The following EPHB2 variants were observed in gnomAD, a reference collection of about 807,000 sequenced individuals.
The protein encoded by EPHB2 is EPH receptor B2, also known as ephrin type-B receptor 2.
In EPHB2, 18 loss-of-function variants were observed where a neutral mutation model predicts 96.4. The observed-to-expected ratio is 0.19, with a 90% CI of 0.13 to 0.28. The LOEUF (loss-of-function observed/expected upper bound fraction) is 0.28, where lower values mean the gene tolerates loss of function less well. Ranked by LOEUF, EPHB2 falls within the 10% of genes least tolerant of loss-of-function variation. EPHB2 has a pLI of 1.00. For synonymous variants in EPHB2, 506 were observed against 534.1 expected, an observed-to-expected ratio of 0.95 and a Z score of 0.72; for missense variants, 989 against 1,355.4, an observed-to-expected ratio of 0.73 and a Z score of 4.25.
chr1:22,895,181 G>T (rs929574521), intron 7 of EPHB2, among the ~76,000 whole-genome samples: 6 of 152,206 alleles, frequency 3.9e-5, no homozygotes, highest in Admixed American at 2.0e-4. Flanking sequence ...CTGCCTGTGT[G>T]TGTGTCAGCT....
At chr1:22,824,519 A>G (rs1645196019) in intron 3 of EPHB2, among the ~76,000 whole-genome samples, 1 of 152,070 alleles carries the variant, frequency 6.6e-6, no homozygotes, top group African/African-American at 2.4e-5. Flanking sequence ...AGAAACTGGT[A>G]TAGGATGGAG....
chr1:22,806,476 T>TGGACGGACGGAC (rs543596023), intron 3 of EPHB2, among the ~76,000 whole-genome samples: 47 of 144,442 alleles, frequency 3.3e-4, no homozygotes, highest in African/African-American at 1.2e-3. Context: ...GATGGATGGA[T>TGGACGGACGGAC]GGACGGACGG....
chr1:22,806,703 G>A (rs1408757468), intron 3 of EPHB2, among the ~76,000 whole-genome samples: 1 of 152,270 alleles, frequency 6.6e-6, no homozygotes, highest in Admixed American at 6.5e-5. Flanking sequence ...ACAAAGCCGA[G>A]GGCGCGCCTG....
At chr1:22,764,523 A>C (rs933607501) in intron 1 of EPHB2, among the ~76,000 whole-genome samples, 10 of 152,046 alleles carry the variant, frequency 6.6e-5, no homozygotes, top group African/African-American at 2.2e-4. Context: ...AGCCAGGCGG[A>C]TCATTTGAGG....
chr1:22,851,633 G>C (rs1645626953), intron 3 of EPHB2, among the ~76,000 whole-genome samples: 2 of 151,982 alleles, frequency 1.3e-5, no homozygotes, highest in Non-Finnish European at 2.9e-5. Context: ...ATAAAATAAG[G>C]AACTTAGCCC....
chr1:22,795,801 A>G (rs1644758694), intron 3 of EPHB2, among the ~76,000 whole-genome samples: 1 of 152,192 alleles, frequency 6.6e-6, no homozygotes, highest in Admixed American at 6.5e-5. Flanking sequence ...GCAGGCTCCT[A>G]GACCTGGCTC....
At chr1:22,889,855 T>G (rs542002613) in intron 6 of EPHB2, among the ~76,000 whole-genome samples, 1 of 152,378 alleles carries the variant, frequency 6.6e-6, no homozygotes, top group South Asian at 2.1e-4. Flanking sequence ...ATAAATGTTT[T>G]AGTACAAATA....
At chr1:22,888,760 G>C (rs1423584421) in intron 6 of EPHB2, among the ~76,000 whole-genome samples, 2 of 151,314 alleles carry the variant, frequency 1.3e-5, no homozygotes, top group Non-Finnish European at 1.5e-5. Flanking sequence ...TGAGAGCTTG[G>C]CATTTATTGT....
chr1:22,906,770 T>C lies in EPHB2; in HGVS notation c.1949T>C (p.Val650Ala), dbSNP rs142173175. The C allele has an allele frequency of 8.3e-4, 1,343 of 1,614,172 alleles. 20 individuals are homozygous for C. The African/African-American group carries it at 0.016, about 19-fold the overall frequency. The stretch of plus-strand genomic sequence containing the variant: ...CTGCCAGGCAAGAGAGAGATCTTTG[T>C]GGCCATCAAGACGCTCAAGTCGGGC... ...LKLPGKREIF[V>A]AIKTLKSGYT... Residue 650 changes from valine to alanine, a missense_variant, in exon 11 of 16, where the codon GTG (valine) becomes GCG (alanine). Physicochemically the swap from Val to Ala is moderately conservative, Grantham distance 64. Coordinates refer to ENST00000374630, the MANE Select transcript of EPHB2 (RefSeq NM_017449.5). The surrounding 1 kb of genome is among the most constrained non-coding windows in gnomAD (Gnocchi z 4.8).
chr1:22,820,253 A>G (rs1645134711), intron 3 of EPHB2, among the ~76,000 whole-genome samples: 1 of 152,072 alleles, frequency 6.6e-6, no homozygotes, highest in African/African-American at 2.4e-5. Flanking sequence ...CCCACGTATA[A>G]CAGAGAGTGA....
intron 1 of EPHB2, among the ~76,000 whole-genome samples, chr1:22,711,757 C>T (rs1643154008): frequency 6.6e-6 from 1 of 152,148 alleles, no homozygotes; most frequent in African/African-American, 2.4e-5. Context: ...GCGGCTGGAG[C>T]CCCGGGAACT....
At chr1:22,793,810 A>C (rs2148437853) in intron 3 of EPHB2, among the ~76,000 whole-genome samples, 1 of 152,332 alleles carries the variant, frequency 6.6e-6, no homozygotes, top group East Asian at 1.9e-4. Context: ...GATGAGACTG[A>C]GGCCCAGAGA....
At chr1:22,908,730 A>G (rs1317201893) in intron 12 of EPHB2, among the ~76,000 whole-genome samples, 1 of 152,182 alleles carries the variant, frequency 6.6e-6, no homozygotes, top group African/African-American at 2.4e-5. Flanking sequence ...CTTGATGGGG[A>G]GACATAAGGC....
At chr1:22,746,135 G>T (rs1435403674) in intron 1 of EPHB2, among the ~76,000 whole-genome samples, 2 of 152,160 alleles carry the variant, frequency 1.3e-5, no homozygotes, top group Non-Finnish European at 2.9e-5. Context: ...TGGAAAGATC[G>T]CACCAGACAC....
chr1:22,719,196 A>G (rs1643371884), intron 1 of EPHB2, among the ~76,000 whole-genome samples: 1 of 152,124 alleles, frequency 6.6e-6, no homozygotes. Flanking sequence ...TTCCAAATAC[A>G]ATAGCTCATC....
chr1:22,734,195 A>T (rs1336783784), intron 1 of EPHB2, among the ~76,000 whole-genome samples: 2 of 152,128 alleles, frequency 1.3e-5, no homozygotes, highest in Admixed American at 1.3e-4. Context: ...GCATGCAGGC[A>T]GCTGGTCCTG....
At chr1:22,718,454 C>T (rs989889903) in intron 1 of EPHB2, among the ~76,000 whole-genome samples, 17 of 145,356 alleles carry the variant, frequency 1.2e-4, no homozygotes, top group African/African-American at 4.1e-4. Context: ...GGTGCAATCT[C>T]GGCTCACTGC....
At chr1:22,873,237 T>A (rs1402707419) in intron 5 of EPHB2, among the ~76,000 whole-genome samples, 1 of 152,174 alleles carries the variant, frequency 6.6e-6, no homozygotes, top group Non-Finnish European at 1.5e-5. Context: ...GTTCATCTGC[T>A]CCGGGTCACT....
chr1:22,905,228 A>G (rs1213069178), intron 9 of EPHB2, among the ~76,000 whole-genome samples: 1 of 152,168 alleles, frequency 6.6e-6, no homozygotes, highest in Non-Finnish European at 1.5e-5. Context: ...AGAGAGGGAG[A>G]ACAAAAAATA....
Sources: allele counts gnomAD v4.1 joint callset (sites outside exome capture counted in the v4.1 genomes callset), GRCh38; gene constraint gnomAD v4.1.1; non-coding constraint Gnocchi (gnomAD v3.1); transcripts MANE v1.5; gene names NCBI Gene and HGNC (gene_info 2026-07-23, HGNC 2026-07-21).